UBE2D4: variants seen among roughly 807,000 people sequenced by gnomAD.
The protein encoded by UBE2D4 is ubiquitin-conjugating enzyme E2 D4.
UBE2D4 carries 17 observed loss-of-function variants against 23.0 expected under a neutral mutation model. The observed-to-expected ratio is 0.74, with a 90% CI of 0.51 to 1.11. UBE2D4 has a LOEUF of 1.11. UBE2D4 is among the 50% of genes least tolerant of loss of function. The pLI, the probability that UBE2D4 is intolerant of heterozygous loss-of-function variation, is 0.00. For missense variants in UBE2D4, 139 were observed against 181.8 expected, an observed-to-expected ratio of 0.76 and a Z score of 1.35; for synonymous variants, 61 against 69.4, an observed-to-expected ratio of 0.88 and a Z score of 0.60.
In UBE2D4 at chr7:43,955,497, A is replaced by G. The variant is rs574779060; in HGVS notation, c.*2802A>G. On this transcript the variant is annotated 3_prime_UTR_variant, in exon 7 of 7. Transcript: ENST00000222402. ...AGTCAAAATCTTAGGACAAGGAATT[A>G]AAATGCCAGAATGCAAATGTCCAAC... The G allele has an allele frequency of 3.9e-5, 6 of 152,354 alleles. No individual in the cohort carries two copies. The South Asian group carries it at 1.0e-3, about 26-fold the overall frequency. The allele number at this position is 152,354 out of a possible 1,614,324, so 9.4% of individuals were successfully genotyped here.
At chr7:43,949,113 T>C (rs899185315) in intron 5 of UBE2D4, 5 of 320,906 alleles carry the variant, frequency 1.6e-5, no homozygotes, top group African/African-American at 1.1e-4. Context: ...GAGTCAGCCC[T>C]GAAGGAAGAT....
rs1317707182 is a variant in UBE2D4, at chr7:43,942,950, C to T, written c.121-4C>T. The stretch of plus-strand genomic sequence containing the variant: ...TGATCTCTTTCTGTGTCTCATCCTT[C>T]CAGAATGACAGTCCTTACCAAGGAG... On this transcript the variant is annotated splice_region_variant and splice_polypyrimidine_tract_variant and intron_variant, in intron 3 of 6. Transcript: ENST00000222402. 1.2e-6 allele frequency: 2 copies of T among 1,614,132 alleles called. No homozygotes were observed. Among genetic ancestry groups the T allele is most frequent in the Non-Finnish European group, 1.7e-6 (2 of 1,180,006 alleles).
intron 1 of UBE2D4, among the ~76,000 whole-genome samples, chr7:43,932,546 A>G (rs1331039334): frequency 6.6e-6 from 1 of 152,162 alleles, no homozygotes; most frequent in Non-Finnish European, 1.5e-5. Context: ...TAATCTCAGC[A>G]CTTTGGGAGG....
chr7:43,928,560 T>C (rs953770639), intron 1 of UBE2D4, among the ~76,000 whole-genome samples: 2 of 152,150 alleles, frequency 1.3e-5, no homozygotes, highest in Non-Finnish European at 2.9e-5. Context: ...AAAAGATCTT[T>C]CTGGCAGCAG....
chr7:43,933,874 A>T (rs183918251), intron 1 of UBE2D4, among the ~76,000 whole-genome samples: 1 of 152,222 alleles, frequency 6.6e-6, no homozygotes, highest in Non-Finnish European at 1.5e-5. Context: ...GCTGTCAGCC[A>T]GGTTACCTTC....
At chr7:43,948,434 G>A (rs2095993431) in intron 4 of UBE2D4, among the ~76,000 whole-genome samples, 198 bp from the exon 5 acceptor site, 1 of 152,200 alleles carries the variant, frequency 6.6e-6, no homozygotes, top group Non-Finnish European at 1.5e-5. Context: ...CAGGGAATGG[G>A]TCAGGGAACT....
chr7:43,950,564 G>A, intron 5 of UBE2D4, 35 bp from the exon 6 acceptor site: 1 of 1,581,018 alleles, frequency 6.3e-7, no homozygotes, highest in East Asian at 2.2e-5. Flanking sequence ...GCAGCTTCGT[G>A]GCTACAGCTG....
chr7:43,932,618 C>T (rs1585857251), intron 1 of UBE2D4, among the ~76,000 whole-genome samples: 2 of 151,892 alleles, frequency 1.3e-5, no homozygotes, highest in East Asian at 1.9e-4. Flanking sequence ...CATGGCAAAA[C>T]CCTGTCTCTC....
chr7:43,929,999 C>T (rs1334625177), intron 1 of UBE2D4, among the ~76,000 whole-genome samples: 1 of 152,196 alleles, frequency 6.6e-6, no homozygotes, highest in African/African-American at 2.4e-5. Flanking sequence ...CAGTCCCCCT[C>T]TCCTGGTCTG....
At chr7:43,951,972 A>C (rs2096003571) in intron 6 of UBE2D4, 1 of 152,206 alleles carries the variant, frequency 6.6e-6, no homozygotes, top group Admixed American at 6.5e-5. Context: ...ACATACCAAA[A>C]GTGATTTTTT....
chr7:43,943,014 C>G lies in UBE2D4; in HGVS notation c.181C>G (p.Pro61Ala). The G allele has an allele frequency of 2.5e-6, 4 of 1,614,124 alleles. No individual in the cohort carries two copies. Among genetic ancestry groups the G allele is most frequent in the Non-Finnish European group, 2.5e-6 (3 of 1,180,026 alleles). The change falls in exon 4 of 7, where the codon CCG (proline) becomes GCG (alanine). Residue 61 changes from proline to alanine, a missense_variant. Pro to Ala is a conservative substitution (Grantham distance 27). Coordinates refer to ENST00000222402, the MANE Select transcript of UBE2D4 (RefSeq NM_015983.4). ...GACCATCCACTTTCCTACAGATTAC[C>G]CGTTCAAGCCCCCAAAGGTGAGGTC... ...FLTIHFPTDY[P>A]FKPPKVAFTT...
intron 6 of UBE2D4, among the ~76,000 whole-genome samples, chr7:43,951,209 A>G (rs538464141): frequency 1.3e-5 from 2 of 152,310 alleles, no homozygotes; most frequent in South Asian, 2.1e-4. Context: ...TCTCTGTTTA[A>G]ACACCAATTA....
rs1218113589 is a variant in UBE2D4 at position 43,938,416 on chromosome 7, T to C, written c.25-15T>C. 2 of 1,613,638 alleles carry C rather than the reference T, an allele frequency of 1.2e-6. No homozygotes were observed. Among genetic ancestry groups the C allele is most frequent in the African/African-American group, 1.3e-5 (1 of 74,996 alleles). On this transcript the variant is annotated splice_polypyrimidine_tract_variant and intron_variant, in intron 1 of 6. Coordinates refer to ENST00000222402, the MANE Select transcript of UBE2D4 (RefSeq NM_015983.4). The stretch of plus-strand genomic sequence containing the variant: ...CCAGCATACAGCAGCTCTGACCCAC[T>C]CTCTCATGTTCTAGGAATTAACCGA...
chr7:43,952,935 C>A lies in UBE2D4; in HGVS notation c.*240C>A. 2.2e-6 allele frequency: 1 copy of A among 463,134 alleles called. No homozygotes were observed. Among genetic ancestry groups the A allele is most frequent in the South Asian group, 2.0e-5 (1 of 50,060 alleles). The allele number at this position is 463,134 out of a possible 1,614,324, so 28.7% of individuals were successfully genotyped here. On this transcript the variant is annotated 3_prime_UTR_variant, in exon 7 of 7. Transcript: ENST00000222402. ...CATTGTTGTTATGATCTGCAGTCTT[C>A]CTGGTGACACTGGAATCTCTCTCTC...
intron 6 of UBE2D4, among the ~76,000 whole-genome samples, chr7:43,951,707 G>C (rs927657802): frequency 1.2e-4 from 18 of 151,980 alleles, no homozygotes; most frequent in African/African-American, 4.1e-4. Context: ...ATTTTTTGTA[G>C]AGACAGGGTT....
rs192116000 is a variant in UBE2D4, at chr7:43,928,209, C to T, written c.24+1653C>T. The T allele has an allele frequency of 9.8e-6, 3 of 307,012 alleles. No homozygotes were observed. The East Asian group carries it at 3.2e-4, about 33-fold the overall frequency. 19.0% of individuals were successfully genotyped at this position (307,012 alleles called of 1,614,324 possible). ...CTCACTTATTATTGTGGGGGGGCCACCAAGCCATTCATGAGGAATCCGCCC... is the reference window on the plus strand; with the variant it reads ...CTCACTTATTATTGTGGGGGGGCCATCAAGCCATTCATGAGGAATCCGCCC... On this transcript the variant is annotated intron_variant, in intron 1 of 6. Transcript: ENST00000222402.
rs7808105 is a variant in UBE2D4, at chr7:43,931,156, G to C, written c.24+4600G>C. Among the ~76,000 whole-genome samples, 582 of 152,172 alleles carry C rather than the reference G, an allele frequency of 3.8e-3. 2 individuals carry two copies. The highest frequency in any genetic ancestry group is 0.01 in the African/African-American group (435 of 41,532). On this transcript the variant is annotated intron_variant, in intron 1 of 6. Coordinates refer to ENST00000222402, the MANE Select transcript of UBE2D4 (RefSeq NM_015983.4). ...AAAAGAAAAAAAGAAATACCTGAAG[G>C]CTGGATGAGGTGGCCCATGCCTGTA...
In UBE2D4 at chr7:43,953,743, T is replaced by A. The variant is rs1024288726; in HGVS notation, c.*1048T>A. The A allele has an allele frequency of 1.2e-4, 18 of 153,910 alleles. No individual in the cohort carries two copies. The highest frequency in any genetic ancestry group is 4.3e-4 in the African/African-American group (18 of 41,462). 9.5% of individuals were successfully genotyped at this position (153,910 alleles called of 1,614,324 possible). On this transcript the variant is annotated 3_prime_UTR_variant, in exon 7 of 7. Coordinates refer to ENST00000222402, the MANE Select transcript of UBE2D4 (RefSeq NM_015983.4). Reference sequence around the variant, plus strand: ...AAAGCTTTGAGCCTTGAGATTAGGTTAGTTAGGAAGAGGACAACAAAGGGA... The same window carrying A: ...AAAGCTTTGAGCCTTGAGATTAGGTAAGTTAGGAAGAGGACAACAAAGGGA...
intron 1 of UBE2D4, among the ~76,000 whole-genome samples, chr7:43,929,271 A>C (rs564985173): frequency 6.6e-6 from 1 of 152,116 alleles, no homozygotes; most frequent in African/African-American, 2.4e-5. Flanking sequence ...ATAAAAATAC[A>C]AAAAAATTAG....
Sources: allele counts gnomAD v4.1 joint callset (sites outside exome capture counted in the v4.1 genomes callset), GRCh38; gene constraint gnomAD v4.1.1; transcripts MANE v1.5; gene names NCBI Gene and HGNC (gene_info 2026-07-23, HGNC 2026-07-21).